The following MAN2B1 variants were observed in gnomAD, a reference collection of about 807,000 sequenced individuals.
MAN2B1 encodes lysosomal alpha-mannosidase.
MAN2B1 carries 99 observed loss-of-function variants against 127.5 expected under a neutral mutation model. The observed-to-expected ratio is 0.78, with a 90% CI of 0.66 to 0.92. MAN2B1 has a LOEUF of 0.92. Ranked by LOEUF, MAN2B1 falls within the 40% of genes least tolerant of loss-of-function variation. The pLI, the probability that MAN2B1 is intolerant of heterozygous loss-of-function variation, is 0.00. For synonymous variants in MAN2B1, 573 were observed against 568.8 expected, an observed-to-expected ratio of 1.01 and a Z score of -0.11; for missense variants, 1,304 against 1,384.8, an observed-to-expected ratio of 0.94 and a Z score of 0.93.
In MAN2B1 at chr19:12,659,005, C is replaced by CGCCA. The variant is rs2024041421; in HGVS notation, c.1027-499_1027-496dup. Reference sequence around the variant, plus strand: ...ATGAGTACCTGGGACTACAGGTGCCCGCCACCACACCCGGCTAATTTTTTG... The same window carrying CGCCA: ...ATGAGTACCTGGGACTACAGGTGCCCGCCAGCCACCACACCCGGCTAATTTTTTG... On this transcript the variant is annotated intron_variant, in intron 7 of 23. Coordinates refer to ENST00000456935, the MANE Select transcript of MAN2B1 (RefSeq NM_000528.4). The CGCCA allele has an allele frequency of 3.0e-5, 6 of 197,208 alleles. No individual in the cohort carries two copies. The South Asian group carries it at 4.8e-4, about 16-fold the overall frequency. The allele number at this position is 197,208 out of a possible 1,614,324, so 12.2% of individuals were successfully genotyped here.
At position 12,658,269 on chromosome 19, in the gene MAN2B1, C is replaced by A; in HGVS notation, c.1185G>T (p.Arg395=). 6.2e-7 allele frequency: 1 copy of A among 1,614,184 alleles called. No homozygotes were observed. Among genetic ancestry groups the A allele is most frequent in the South Asian group, 1.1e-5 (1 of 91,086 alleles). ...HQFWTGYFSS[R]PALKRYERLS... ...GGCGCTCGTAGCGTTTGAGGGCCGG[C>A]CGACTGGAAAAGTAACCGGTCCAGA... is the stretch of plus-strand genomic sequence containing the variant. Residue 395 remains arginine (R), a synonymous_variant, in exon 9 of 24, where the codon CGG becomes CGT. Coordinates refer to ENST00000456935, the MANE Select transcript of MAN2B1 (RefSeq NM_000528.4).
At chr19:12,649,803 T>G (rs1270493418) in intron 18 of MAN2B1, 110 bp downstream of exon 18, 10 of 964,378 alleles carry the variant, frequency 1.0e-5, no homozygotes, top group Non-Finnish European at 1.5e-5. Flanking sequence ...CCCTTCACTC[T>G]CCCTTCGTCC....
chr19:12,659,297 CTTTTT>C (rs34781385), intron 7 of MAN2B1, among the ~76,000 whole-genome samples: 2 of 113,924 alleles, frequency 1.8e-5, no homozygotes, highest in Admixed American at 9.0e-5. Context: ...GCTCAATAAA[CTTTTT>C]TTTTTTTTTT....
chr19:12,650,357 CTTTTTTTTTTT>C, intron 16 of MAN2B1, 135 bp from the exon 17 acceptor site: 1 of 493,268 alleles, frequency 2.0e-6, no homozygotes, highest in African/African-American at 2.2e-5. Context: ...CCACATAATT[CTTTTTTTTTTT>C]TTTTTTTTGA....
chr19:12,649,477 C>CTTTTTTTTTTTTTTCT, intron 18 of MAN2B1, 49 bp from the exon 19 acceptor site: 1 of 421,496 alleles, frequency 2.4e-6, no homozygotes, highest in South Asian at 2.1e-5. Context: ...CTCCCCAACT[C>CTTTTTTTTTTTTTTCT]TTTTTTTTTT....
chr19:12,646,727 T>G lies in MAN2B1; in HGVS notation c.2929A>C (p.Thr977Pro), dbSNP rs2145217908. 6.2e-7 allele frequency: 1 copy of G among 1,612,298 alleles called. No individual in the cohort carries two copies. Among genetic ancestry groups the G allele is most frequent in the Non-Finnish European group, 8.5e-7 (1 of 1,178,480 alleles). The stretch of plus-strand genomic sequence containing the variant: ...AGCTGGTACGGAGTTTGGTGGGGTG[T>G]GGGGCCTGGAGAGGTGCAGGGGGAA... ...RLKWTTNTGPTPHQTPYQLDP... is the reference protein window; with the variant it reads ...RLKWTTNTGPPPHQTPYQLDP... The change falls in exon 24 of 24, where the codon ACA (threonine) becomes CCA (proline). Residue 977 changes from threonine to proline, a missense_variant. Physicochemically the swap from Thr to Pro is conservative, Grantham distance 38 (BLOSUM62 -1). Transcript: ENST00000456935.
intron 23 of MAN2B1, 162 bp from the exon 24 acceptor site, chr19:12,646,894 C>A: frequency 1.6e-6 from 1 of 634,162 alleles, no homozygotes; most frequent in Middle Eastern, 4.2e-4. Context: ...CCCCGAATAC[C>A]ACCCCCAGGT....
chr19:12,647,591 C>T lies in MAN2B1; in HGVS notation c.2672G>A (p.Gly891Glu). The T allele has an allele frequency of 6.2e-7, 1 of 1,612,980 alleles. No homozygotes were observed. The highest frequency in any genetic ancestry group is 1.1e-5 in the South Asian group (1 of 91,034). Residue 891 changes from glycine to glutamate, a missense_variant, in exon 22 of 24, where the codon GGG becomes GAG. Transcript: ENST00000456935. The surrounding 1 kb of genome is among the most constrained non-coding windows in gnomAD (Gnocchi z 4.9). Reference protein sequence around the residue: ...LGAPPRTQFSGLRRDLPPSVH... With the variant: ...LGAPPRTQFSELRRDLPPSVH... ...CGAGGGCGGCAGGTCCCTGCGCAGC[C>T]CTGAGAACTGCGGGAGAGAGGGCGG...
chr19:12,656,356 CAAAA>C (rs372686781), intron 13 of MAN2B1: 926 of 388,020 alleles, frequency 2.4e-3, no homozygotes, highest in South Asian at 2.8e-3. Flanking sequence ...GACTCCGTCT[CAAAA>C]AAAAAAAAAA....
intron 14 of MAN2B1, among the ~76,000 whole-genome samples, chr19:12,653,144 GTT>G (rs74180093): frequency 0.012 from 1,401 of 115,354 alleles, 22 homozygotes; most frequent in African/African-American, 0.035. Context: ...TGGGTTTTTT[GTT>G]TTTTTTTTTT....
At position 12,650,674 on chromosome 19, in the gene MAN2B1, C is replaced by CT. The variant is rs1343533028; in HGVS notation, c.2047-453dup. Among the ~76,000 whole-genome samples, 246 of 124,370 alleles carry CT rather than the reference C, an allele frequency of 2.0e-3. 1 individual carries two copies. The highest frequency in any genetic ancestry group is 0.017 in the East Asian group (70 of 4,144). 81.6% of individuals were successfully genotyped at this position (124,370 alleles called of 152,430 possible). A position where few individuals can be genotyped will look rare whatever the true frequency, so the allele number is the denominator to read the frequency against. On this transcript the variant is annotated intron_variant, in intron 16 of 23. Coordinates refer to ENST00000456935, the MANE Select transcript of MAN2B1 (RefSeq NM_000528.4). ...CGCCTGGCCCACATAATTCTTTTTT[C>CT]TTTTTTTTTTTTTGAGACAGAGTTT...
chr19:12,649,477 C>CTTTTTTTTTTGTTTT (rs2023786136), intron 18 of MAN2B1, 49 bp from the exon 19 acceptor site: 1 of 323,656 alleles, frequency 3.1e-6, no homozygotes, highest in Non-Finnish European at 5.0e-6. Flanking sequence ...CTCCCCAACT[C>CTTTTTTTTTTGTTTT]TTTTTTTTTT....
intron 16 of MAN2B1, among the ~76,000 whole-genome samples, chr19:12,651,571 T>C (rs1054414244): frequency 3.3e-5 from 5 of 152,186 alleles, no homozygotes; most frequent in Non-Finnish European, 5.9e-5. Context: ...CAAAACTATA[T>C]ACAGATATGC....
intron 14 of MAN2B1, 37 bp from the exon 15 acceptor site, chr19:12,652,497 G>A (rs1334955615): frequency 7.4e-7 from 1 of 1,349,024 alleles, no homozygotes; most frequent in East Asian, 2.3e-5. Flanking sequence ...GTTTGTGTGT[G>A]TATGTGTGTG....
At chr19:12,648,017 CACTGGGCGGGG>C (rs1438631762) in intron 21 of MAN2B1, among the ~76,000 whole-genome samples, 147 bp downstream of exon 21, 1 of 152,032 alleles carries the variant, frequency 6.6e-6, no homozygotes, top group Non-Finnish European at 1.5e-5. Flanking sequence ...ACTGGGCTGG[CACTGGGCGGGG>C]ACTGCCCAGG....
At position 12,649,146 on chromosome 19, in the gene MAN2B1, A is replaced by G. The variant is rs80338681; in HGVS notation, c.2426T>C (p.Leu809Pro). Residue 809 changes from leucine (L) to proline (P), a missense_variant, in exon 20 of 24, where the codon CTG becomes CCG. Physicochemically the swap from Leu to Pro is moderately conservative, Grantham distance 98. Coordinates refer to ENST00000456935, the MANE Select transcript of MAN2B1 (RefSeq NM_000528.4). ...QGGSSLRDGS[L>P]ELMVHRRLLK... ...CTCTGACCCACTCACCATGAGCTCC[A>G]GCGAGCCATCTCTCAGGCTGCTGCC... 143 of 1,612,018 alleles carry G rather than the reference A, an allele frequency of 8.9e-5. No individual in the cohort carries two copies. The highest frequency in any genetic ancestry group is 1.2e-4 in the Non-Finnish European group (139 of 1,179,860).
At chr19:12,664,770 C>T in intron 4 of MAN2B1, 22 bp downstream of exon 4, 2 of 1,607,356 alleles carry the variant, frequency 1.2e-6, no homozygotes, top group East Asian at 4.5e-5. Context: ...GAAGTGGGCC[C>T]AAGAGAGGTC....
intron 18 of MAN2B1, 64 bp downstream of exon 18, chr19:12,649,849 C>CCCCCCCCCCCCGG: frequency 2.2e-6 from 3 of 1,370,366 alleles, no homozygotes; most frequent in Non-Finnish European, 3.1e-6. Flanking sequence ...GCAAATTTCC[C>CCCCCCCCCCCCGG]TCACCACCCC....
intron 9 of MAN2B1, 24 bp from the exon 10 acceptor site, chr19:12,658,165 G>C: frequency 6.2e-7 from 1 of 1,613,578 alleles, no homozygotes; most frequent in Non-Finnish European, 8.5e-7. Context: ...GGTATGTTGG[G>C]GCGCCCAGCC....
Sources: gnomAD v4.1 joint callset for allele counts (sites outside exome capture counted in the v4.1 genomes callset) on GRCh38, gnomAD v4.1.1 for gene constraint, Gnocchi (gnomAD v3.1) non-coding constraint, MANE v1.5 for transcripts, NCBI Gene and HGNC (gene_info 2026-07-23, HGNC 2026-07-21) for gene names.